TGFBR3: variants seen among roughly 807,000 people sequenced by gnomAD.
TGFBR3 encodes the protein transforming growth factor beta receptor type 3.
Under a neutral mutation model 87.9 loss-of-function variants are expected in TGFBR3, and 46 were observed. That is an observed-to-expected ratio of 0.52 (90% CI 0.41 to 0.67). The LOEUF (loss-of-function observed/expected upper bound fraction) is 0.67, where lower values mean the gene tolerates loss of function less well. Among genes scored for constraint, TGFBR3 ranks in the 30% least tolerant of loss-of-function variants. The pLI is 0.00. For synonymous variants in TGFBR3, 381 were observed against 391.6 expected, an observed-to-expected ratio of 0.97 and a Z score of 0.32; for missense variants, 866 against 1,041.9, an observed-to-expected ratio of 0.83 and a Z score of 2.32.
rs57953815 is a variant in TGFBR3, at chr1:91,841,793, C to CAA, written c.61+19676_61+19677dup. On this transcript the variant is annotated intron_variant, in intron 2 of 16. Transcript: ENST00000212355. The stretch of plus-strand genomic sequence containing the variant: ...TGGGCAACAGAGCAAGACTCCATCT[C>CAA]AAAAAAAAAAAAAAAAAAAAGTAGT... Among the ~76,000 whole-genome samples, 370 of 88,730 alleles carry CAA rather than the reference C, an allele frequency of 4.2e-3. 8 individuals are homozygous for CAA. Among genetic ancestry groups the CAA allele is most frequent in the South Asian group, 7.3e-3 (18 of 2,452 alleles). 58.2% of individuals were successfully genotyped at this position (88,730 alleles called of 152,430 possible).
intron 12 of TGFBR3, among the ~76,000 whole-genome samples, chr1:91,715,900 T>C (rs7530272): frequency 0.011 from 1,666 of 151,910 alleles, 28 homozygotes; most frequent in African/African-American, 0.037. Flanking sequence ...TTTTGAAATA[T>C]TCCATGGTTA....
intron 4 of TGFBR3, among the ~76,000 whole-genome samples, chr1:91,744,134 G>T (rs1372172920): frequency 1.3e-5 from 2 of 150,458 alleles, no homozygotes; most frequent in African/African-American, 4.9e-5. Flanking sequence ...ACCCAGGCTG[G>T]AGTGTAGTGG....
At position 91,815,329 on chromosome 1, in the gene TGFBR3, A is replaced by T. The variant is rs796215110; in HGVS notation, c.62-17858T>A. Among the ~76,000 whole-genome samples, 43 of 151,822 alleles carry T rather than the reference A, an allele frequency of 2.8e-4. 1 individual carries two copies. Among genetic ancestry groups the T allele is most frequent in the African/African-American group, 1.0e-3 (42 of 41,470 alleles). On this transcript the variant is annotated intron_variant, in intron 2 of 16. Transcript: ENST00000212355. ...AATAAAATAAAATAAAATAAAATAA[A>T]ATAAAATAAAATAGGGATAGTCCTG...
Position 91,775,248 on chromosome 1 carries a change from C to G in TGFBR3, c.247-16498G>C, listed in dbSNP as rs926915441. Among the ~76,000 whole-genome samples, 23 of 152,198 alleles carry G rather than the reference C, an allele frequency of 1.5e-4. 1 individual carries two copies. The highest frequency in any genetic ancestry group is 1.3e-3 in the Admixed American group (20 of 15,276). On this transcript the variant is annotated intron_variant, in intron 3 of 16. Transcript: ENST00000212355. ...CTCTTTTAATCACTAGATAAGAACA[C>G]AGAAATGTAAAGAAATGCCAAGAAA...
At chr1:91,805,919 C>T (rs558665089) in intron 2 of TGFBR3, among the ~76,000 whole-genome samples, 1 of 152,188 alleles carries the variant, frequency 6.6e-6, no homozygotes, top group Admixed American at 6.5e-5. Context: ...TCTGAGACTC[C>T]AGCTCCAGAC....
chr1:91,776,087 C>T (rs1242489395), intron 3 of TGFBR3, among the ~76,000 whole-genome samples: 4 of 152,208 alleles, frequency 2.6e-5, no homozygotes, highest in African/African-American at 9.6e-5. Context: ...ACATTTAACT[C>T]TTACCTGATG....
intron 2 of TGFBR3, among the ~76,000 whole-genome samples, chr1:91,802,033 A>G (rs1675649291): frequency 6.6e-6 from 1 of 152,224 alleles, no homozygotes; most frequent in African/African-American, 2.4e-5. Context: ...AACTCTAAGT[A>G]TGGGGTAGAG....
intron 2 of TGFBR3, among the ~76,000 whole-genome samples, chr1:91,834,209 T>A (rs1421089495): frequency 6.6e-6 from 1 of 152,232 alleles, no homozygotes; most frequent in Non-Finnish European, 1.5e-5. Flanking sequence ...TTGAAGCTAC[T>A]ATCCAGCTGG....
intron 3 of TGFBR3, among the ~76,000 whole-genome samples, chr1:91,775,433 C>T (rs551023198): frequency 6.6e-6 from 1 of 152,344 alleles, no homozygotes; most frequent in South Asian, 2.1e-4. Flanking sequence ...TTTATTTGGC[C>T]TCTTCTTCAC....
rs1297346278 is a variant in TGFBR3 at position 91,712,336 on chromosome 1, G to A, written c.2073C>T (p.Val691=). The A allele has an allele frequency of 6.2e-7, 1 of 1,614,236 alleles. No homozygotes were observed. Among genetic ancestry groups the A allele is most frequent in the African/African-American group, 1.3e-5 (1 of 75,076 alleles). Residue 691 remains valine (V), a synonymous_variant, in exon 13 of 17, where the codon GTC becomes GTT. Transcript: ENST00000212355. ...ADMDKKRFSF[V]FKPVFNTSLL... ...GTGAGGTGTTGAAGACAGGCTTGAA[G>A]ACAAAGCTGAATCGCTTCTTATCCA...
At chr1:91,689,354 A>G (rs1300148108) in intron 16 of TGFBR3, among the ~76,000 whole-genome samples, 2 of 152,144 alleles carry the variant, frequency 1.3e-5, no homozygotes, top group African/African-American at 4.8e-5. Context: ...TCTGCTTATA[A>G]TCAGTCTGTT....
intron 10 of TGFBR3, among the ~76,000 whole-genome samples, chr1:91,717,317 C>G (rs1035195265): frequency 6.6e-6 from 1 of 152,164 alleles, no homozygotes; most frequent in Admixed American, 6.5e-5. Context: ...GCTCTTGTAC[C>G]CCTCTAACTT....
chr1:91,698,440 AC>A (rs202030205), intron 14 of TGFBR3, among the ~76,000 whole-genome samples: 22,214 of 151,986 alleles, frequency 0.15, 1,797 homozygotes, highest in Non-Finnish European at 0.19. Context: ...TTATTTACTT[AC>A]AAAAAAATTC....
At chr1:91,900,875 GAA>G (rs1679700988) in intron 1 of TGFBR3, among the ~76,000 whole-genome samples, 1 of 152,072 alleles carries the variant, frequency 6.6e-6, no homozygotes, top group South Asian at 2.1e-4. Flanking sequence ...CAAGAGACAT[GAA>G]AAAAAGTTAT....
intron 4 of TGFBR3, among the ~76,000 whole-genome samples, chr1:91,741,247 A>T (rs1472787149): frequency 1.3e-5 from 2 of 152,212 alleles, no homozygotes; most frequent in African/African-American, 4.8e-5. Flanking sequence ...AATGGCTCAC[A>T]GAACTCAAGG....
intron 14 of TGFBR3, among the ~76,000 whole-genome samples, chr1:91,708,090 T>A (rs1017512598): frequency 2.0e-5 from 3 of 152,230 alleles, no homozygotes; most frequent in African/African-American, 7.2e-5. Context: ...TGCTGAATGT[T>A]CCTGCTTGTG....
In TGFBR3 at chr1:91,749,453, C is replaced by G. The variant is rs1673460737; in HGVS notation, c.384+9160G>C. On this transcript the variant is annotated intron_variant, in intron 4 of 16. Coordinates refer to ENST00000212355, the MANE Select transcript of TGFBR3 (RefSeq NM_003243.5). ...AGGATACAGTGTTAGGAACAAAAGG[C>G]AAAAGCAGATCTTGAGAAAAGCAAA... Among the ~76,000 whole-genome samples, 2 of 152,160 alleles carry G rather than the reference C, an allele frequency of 1.3e-5. 1 individual carries two copies. Among genetic ancestry groups the G allele is most frequent in the South Asian group, 4.1e-4 (2 of 4,830 alleles).
At chr1:91,890,612 G>T (rs186218128), upstream of TGFBR3, among the ~76,000 whole-genome samples, 254 of 151,794 alleles carry the variant, frequency 1.7e-3, 4 homozygotes, top group African/African-American at 5.7e-3. Context: ...TAGAGACAAG[G>T]TTTCACCATA....
chr1:91,873,843 G>A (rs1273765135), intron 1 of TGFBR3, among the ~76,000 whole-genome samples: 1 of 152,104 alleles, frequency 6.6e-6, no homozygotes, highest in Non-Finnish European at 1.5e-5. Flanking sequence ...CCAGCTACTT[G>A]GGAGGATGAG....
Sources: allele counts gnomAD v4.1 joint callset (sites outside exome capture counted in the v4.1 genomes callset), GRCh38; gene constraint gnomAD v4.1.1; transcripts MANE v1.5; gene names NCBI Gene and HGNC (gene_info 2026-07-23, HGNC 2026-07-21).